Variants in ARHGEF10 observed in about 807,000 individuals in gnomAD.
ARHGEF10 encodes the protein Rho guanine nucleotide exchange factor (GEF) 10.
Under a neutral mutation model 147.4 loss-of-function variants are expected in ARHGEF10, and 140 were observed. That is an observed-to-expected ratio of 0.95 (90% confidence interval 0.83 to 1.09). ARHGEF10 has a LOEUF of 1.09. Ranked by LOEUF, ARHGEF10 falls within the 50% of genes least tolerant of loss-of-function variation. The pLI is 0.00. For missense variants in ARHGEF10, 2,222 were observed against 1,752.7 expected, an observed-to-expected ratio of 1.27 and a Z score of -4.78; for synonymous variants, 902 against 695.8, an observed-to-expected ratio of 1.30 and a Z score of -4.67.
At chr8:1,865,526 C>T (rs13267804) in intron 5 of ARHGEF10, among the ~76,000 whole-genome samples, 29,957 of 151,216 alleles carry the variant, frequency 0.2, 3,230 homozygotes, top group East Asian at 0.35. Flanking sequence ...GAGGCCGTCA[C>T]CAGGACACAG....
chr8:1,845,614 C>T (rs1274112159), intron 2 of ARHGEF10, among the ~76,000 whole-genome samples: 2 of 152,214 alleles, frequency 1.3e-5, no homozygotes, highest in African/African-American at 2.4e-5. Flanking sequence ...CCCTCTGTTT[C>T]AAAGAAGGCG....
intron 1 of ARHGEF10, among the ~76,000 whole-genome samples, chr8:1,842,139 C>T (rs1395952712): frequency 5.3e-5 from 8 of 151,192 alleles, no homozygotes; most frequent in Admixed American, 2.6e-4. Context: ...GGTGGTGGCA[C>T]GTGGCAGGCA....
chr8:1,892,562 GCAAC>G (rs1563245116), intron 11 of ARHGEF10, among the ~76,000 whole-genome samples: 3 of 151,850 alleles, frequency 2.0e-5, no homozygotes, highest in African/African-American at 4.8e-5. Context: ...CCGCTAGGTG[GCAAC>G]GCAGTCCCTT....
chr8:1,909,285 G>T lies in ARHGEF10; in HGVS notation c.1968-10G>T. 6.2e-7 allele frequency: 1 copy of T among 1,614,216 alleles called. No individual in the cohort carries two copies. Among genetic ancestry groups the T allele is most frequent in the Non-Finnish European group, 8.5e-7 (1 of 1,180,044 alleles). On this transcript the variant is annotated splice_polypyrimidine_tract_variant and intron_variant, in intron 17 of 28. Coordinates refer to ENST00000349830, the MANE Select transcript of ARHGEF10 (RefSeq NM_014629.4). ...TTATTCGTAAAACAAGGATCTTTTG[G>T]TCGTTTCAGCCCCTCTCATGACAGC...
At chr8:1,912,190 C>T (rs1811409737) in intron 18 of ARHGEF10, among the ~76,000 whole-genome samples, 1 of 151,574 alleles carries the variant, frequency 6.6e-6, no homozygotes, top group Admixed American at 6.6e-5. Flanking sequence ...TGTGTGTTTG[C>T]CGTGTGGTGT....
chr8:1,859,211 C>G (rs909535070), intron 3 of ARHGEF10, among the ~76,000 whole-genome samples: 2,732 of 82,580 alleles, frequency 0.033, no homozygotes, highest in South Asian at 0.058. Flanking sequence ...GTTTCTTTGG[C>G]CATAGCACCT....
intron 18 of ARHGEF10, among the ~76,000 whole-genome samples, chr8:1,911,792 G>A (rs968174592): frequency 6.6e-6 from 1 of 152,118 alleles, no homozygotes; most frequent in Non-Finnish European, 1.5e-5. Flanking sequence ...ACTCCTTACC[G>A]TTTATGCTGA....
intron 6 of ARHGEF10, among the ~76,000 whole-genome samples, chr8:1,867,058 A>T (rs142803062): frequency 6.8e-6 from 1 of 148,080 alleles, no homozygotes; most frequent in African/African-American, 2.5e-5. Flanking sequence ...TATTTTACAT[A>T]ACTTGGTGTT....
At chr8:1,939,940 G>A (rs1813945664) in intron 26 of ARHGEF10, among the ~76,000 whole-genome samples, 1 of 152,182 alleles carries the variant, frequency 6.6e-6, no homozygotes, top group Admixed American at 6.5e-5. Context: ...GCAGCAGACG[G>A]TGCTGAGCCA....
chr8:1,933,770 C>G (rs552918096), intron 25 of ARHGEF10, 30 bp from the exon 26 acceptor site: 1 of 1,614,050 alleles, frequency 6.2e-7, no homozygotes, highest in South Asian at 1.1e-5. Context: ...GAAAACTGAA[C>G]TTGAATGAAA....
intron 2 of ARHGEF10, among the ~76,000 whole-genome samples, chr8:1,850,268 G>A (rs1805005835): frequency 7.6e-6 from 1 of 131,566 alleles, no homozygotes; most frequent in Non-Finnish European, 1.7e-5. Flanking sequence ...GGCAAATGCT[G>A]AGGAGGGTGT....
intron 4 of ARHGEF10, among the ~76,000 whole-genome samples, chr8:1,863,757 A>G (rs13281104): frequency 0.21 from 31,426 of 151,978 alleles, 3,594 homozygotes; most frequent in East Asian, 0.36. Context: ...GGAAACCTGC[A>G]CTGCGGCTTT....
chr8:1,847,553 A>G (rs1251161644), intron 2 of ARHGEF10, among the ~76,000 whole-genome samples: 1 of 152,118 alleles, frequency 6.6e-6, no homozygotes, highest in Non-Finnish European at 1.5e-5. Flanking sequence ...GACAGACGCC[A>G]GCACTCACAC....
chr8:1,866,981 G>T (rs13277141), intron 6 of ARHGEF10, among the ~76,000 whole-genome samples: 2 of 151,116 alleles, frequency 1.3e-5, no homozygotes, highest in Admixed American at 6.6e-5. Context: ...TGCAGTGTCT[G>T]GCACCCGTTT....
At chr8:1,919,178 TCTGGGTGATGGAGCTGTTCC>T (rs1812006184) in intron 18 of ARHGEF10, among the ~76,000 whole-genome samples, 1 of 140,540 alleles carries the variant, frequency 7.1e-6, no homozygotes, top group African/African-American at 2.8e-5. Context: ...GGAGCTGTTC[TCTGGGTGATGGAGCTGTTCC>T]GTGGGTGATG....
chr8:1,934,736 C>G (rs114591186), intron 26 of ARHGEF10, among the ~76,000 whole-genome samples: 2,972 of 152,268 alleles, frequency 0.02, 106 homozygotes, highest in African/African-American at 0.067. Context: ...CTATAAACCT[C>G]TAAGATAAAA....
chr8:1,826,508 G>T (rs1289821709), intron 1 of ARHGEF10, among the ~76,000 whole-genome samples: 1 of 152,120 alleles, frequency 6.6e-6, no homozygotes, highest in African/African-American at 2.4e-5. Flanking sequence ...ACAGACCTGG[G>T]TTGAGGTGGG....
chr8:1,858,165 TG>T, intron 3 of ARHGEF10, 50 bp downstream of exon 3: 1 of 1,557,472 alleles, frequency 6.4e-7, no homozygotes, highest in Non-Finnish European at 8.7e-7. Context: ...GGTCCCCAGG[TG>T]AGTCCCCAGG....
intron 7 of ARHGEF10, 128 bp downstream of exon 7, chr8:1,869,378 AATGGCTTATTG>A (rs773982390): frequency 1.2e-6 from 1 of 816,008 alleles, no homozygotes. Context: ...TTGCTTCTAG[AATGGCTTATTG>A]ATGTGTGGTG....
Sources: gnomAD v4.1 joint callset for allele counts (sites outside exome capture counted in the v4.1 genomes callset) on GRCh38, gnomAD v4.1.1 for gene constraint, MANE v1.5 for transcripts, NCBI Gene and HGNC (gene_info 2026-07-23, HGNC 2026-07-21) for gene names.